The following SORCS2 variants were observed in gnomAD, a reference collection of about 807,000 sequenced individuals.
SORCS2 encodes VPS10 domain-containing receptor SorCS2.
In SORCS2, 100 loss-of-function variants were observed where a neutral mutation model predicts 141.6. The ratio of observed to expected loss-of-function variants is 0.71; its 90% confidence interval spans 0.60 to 0.83. The LOEUF is 0.83. Among genes scored for constraint, SORCS2 ranks in the 40% least tolerant of loss-of-function variants. The pLI, the probability that SORCS2 is intolerant of heterozygous loss-of-function variation, is 0.00. For missense variants in SORCS2, 1,646 were observed against 1,560.2 expected (o/e 1.05, Z -0.93); for synonymous variants, 789 against 676.9 (o/e 1.17, Z -2.57).
At chr4:7,378,576 T>C (rs3889813) in intron 1 of SORCS2, among the ~76,000 whole-genome samples, 98,946 of 151,972 alleles carry the variant, frequency 0.65, 33,289 homozygotes, top group East Asian at 0.98. Context: ...CATGGGGGAA[T>C]CCACCCCCGT....
intron 2 of SORCS2, among the ~76,000 whole-genome samples, chr4:7,423,356 A>G (rs1321713647): frequency 6.6e-6 from 1 of 152,194 alleles, no homozygotes; most frequent in Non-Finnish European, 1.5e-5. Context: ...ATCCCTGGCT[A>G]TGTGGTTCAC....
intron 2 of SORCS2, chr4:7,433,194 G>C: frequency 9.1e-7 from 1 of 1,093,328 alleles, no homozygotes; most frequent in South Asian, 3.1e-5. Flanking sequence ...TTGAACTTCA[G>C]CTCTGCTCCT....
chr4:7,612,408 G>C (rs138952405), intron 3 of SORCS2, among the ~76,000 whole-genome samples: 23 of 152,242 alleles, frequency 1.5e-4, no homozygotes, highest in African/African-American at 5.3e-4. Flanking sequence ...CTGCTCCCTC[G>C]GTCCTTCTGG....
intron 1 of SORCS2, among the ~76,000 whole-genome samples, chr4:7,262,810 A>G (rs892073001): frequency 2.0e-5 from 3 of 152,172 alleles, no homozygotes; most frequent in African/African-American, 7.2e-5. Flanking sequence ...CCTTCCAGCC[A>G]GGATTTAGGC....
intron 1 of SORCS2, among the ~76,000 whole-genome samples, chr4:7,290,671 A>G (rs974335091): frequency 6.6e-6 from 1 of 152,168 alleles, no homozygotes; most frequent in Non-Finnish European, 1.5e-5. Context: ...TCATCCATGT[A>G]TGCACACATG....
At chr4:7,256,219 G>A (rs1388734709) in intron 1 of SORCS2, among the ~76,000 whole-genome samples, 6 of 152,174 alleles carry the variant, frequency 3.9e-5, no homozygotes, top group Admixed American at 3.9e-4. Flanking sequence ...CGTGCCTGGT[G>A]AGCACATGCC....
chr4:7,565,956 G>T (rs1210186545), intron 3 of SORCS2, among the ~76,000 whole-genome samples: 1 of 123,394 alleles, frequency 8.1e-6, no homozygotes, highest in Non-Finnish European at 1.8e-5. Flanking sequence ...TGATGGTAGT[G>T]ATGGTGATGC....
chr4:7,271,330 C>T (rs1047323112), intron 1 of SORCS2, among the ~76,000 whole-genome samples: 2 of 152,206 alleles, frequency 1.3e-5, no homozygotes, highest in Admixed American at 1.3e-4. Context: ...GCCCCTGTTC[C>T]TATTCAGCCT....
intron 8 of SORCS2, among the ~76,000 whole-genome samples, chr4:7,669,825 C>A (rs1228207647): frequency 6.6e-6 from 1 of 152,192 alleles, no homozygotes; most frequent in African/African-American, 2.4e-5. Context: ...TCCTGGGTCT[C>A]CAGCCTGCTT....
At chr4:7,665,919 G>A (rs1220927259) in intron 7 of SORCS2, among the ~76,000 whole-genome samples, 1 of 152,190 alleles carries the variant, frequency 6.6e-6, no homozygotes, top group Non-Finnish European at 1.5e-5. Flanking sequence ...ACTCAGTGCA[G>A]CAAGAGGGAA....
At chr4:7,434,762 C>T (rs756341382) in intron 2 of SORCS2, 10 of 1,612,850 alleles carry the variant, frequency 6.2e-6, no homozygotes, top group Non-Finnish European at 8.5e-6. Flanking sequence ...CACCTGGCAG[C>T]TGTCTGCAGA....
intron 2 of SORCS2, among the ~76,000 whole-genome samples, chr4:7,490,734 T>C (rs554766782): frequency 2.6e-5 from 4 of 152,186 alleles, no homozygotes; most frequent in African/African-American, 9.6e-5. Flanking sequence ...CACTGGCCAG[T>C]GTGTGTAATG....
intron 1 of SORCS2, among the ~76,000 whole-genome samples, chr4:7,222,412 C>T (rs1728761642): frequency 6.6e-6 from 1 of 152,218 alleles, no homozygotes; most frequent in Admixed American, 6.5e-5. Flanking sequence ...GGCTGCATGT[C>T]TATGGAATGT....
At chr4:7,342,027 A>G (rs1186763362) in intron 1 of SORCS2, among the ~76,000 whole-genome samples, 1 of 152,334 alleles carries the variant, frequency 6.6e-6, no homozygotes, top group South Asian at 2.1e-4. Context: ...ATGTGTCAAT[A>G]CCCCATTCCT....
chr4:7,726,755 C>T (rs1727246043), intron 20 of SORCS2, 25 bp from the exon 21 acceptor site: 1 of 1,611,508 alleles, frequency 6.2e-7, no homozygotes, highest in Non-Finnish European at 8.5e-7. Flanking sequence ...CGGCCAGGCC[C>T]CTAAGCCCTG....
chr4:7,227,966 G>A (rs928139183), intron 1 of SORCS2, among the ~76,000 whole-genome samples: 10 of 152,172 alleles, frequency 6.6e-5, no homozygotes, highest in Non-Finnish European at 1.2e-4. Context: ...AGGGGGTGGC[G>A]GGAGCTGAGG....
At chr4:7,285,471 A>C (rs141122675) in intron 1 of SORCS2, among the ~76,000 whole-genome samples, 2 of 152,192 alleles carry the variant, frequency 1.3e-5, no homozygotes, top group African/African-American at 2.4e-5. Context: ...ACTGTTCACT[A>C]TCTCATGCCC....
chr4:7,684,883 T>C (rs1037174700), intron 10 of SORCS2, among the ~76,000 whole-genome samples: 3 of 151,952 alleles, frequency 2.0e-5, no homozygotes, highest in Non-Finnish European at 4.4e-5. Context: ...GAGGAATTCC[T>C]CCTCCCAGAG....
At chr4:7,227,896 C>T (rs114017913) in intron 1 of SORCS2, among the ~76,000 whole-genome samples, 1,775 of 152,162 alleles carry the variant, frequency 0.012, 14 homozygotes, top group Middle Eastern at 0.037. Flanking sequence ...CTCAGGGTGC[C>T]GGGGAGGGCA....
Sources: allele counts gnomAD v4.1 joint callset (sites outside exome capture counted in the v4.1 genomes callset), GRCh38; gene constraint gnomAD v4.1.1; transcripts MANE v1.5; gene names NCBI Gene and HGNC (gene_info 2026-07-23, HGNC 2026-07-21).